SH3RF1: variants seen among roughly 807,000 people sequenced by gnomAD.
SH3RF1 encodes E3 ubiquitin-protein ligase SH3RF1.
A neutral mutation model predicts 74.0 loss-of-function variants in SH3RF1; 32 were observed. The observed-to-expected ratio is 0.43, with a 90% CI of 0.33 to 0.58. SH3RF1 has a LOEUF of 0.58. Among genes scored for constraint, SH3RF1 ranks in the 20% least tolerant of loss-of-function variants. The pLI is 0.05. For synonymous variants in SH3RF1, 396 were observed against 439.6 expected (o/e 0.90, Z 1.24); for missense variants, 954 against 1,130.9 (o/e 0.84, Z 2.24).
intron 2 of SH3RF1, among the ~76,000 whole-genome samples, chr4:169,263,789 A>T (rs1251925578): frequency 1.3e-5 from 2 of 152,238 alleles, no homozygotes; most frequent in Non-Finnish European, 2.9e-5. Context: ...GTCAGAGATA[A>T]GAAAGTAGTA....
At chr4:169,213,044 G>A (rs1730406307) in intron 2 of SH3RF1, among the ~76,000 whole-genome samples, 1 of 152,086 alleles carries the variant, frequency 6.6e-6, no homozygotes, top group Admixed American at 6.6e-5. Context: ...GACTAACTTA[G>A]GCAAACACCA....
At chr4:169,157,936 G>C (rs1180570438) in intron 2 of SH3RF1, among the ~76,000 whole-genome samples, 2 of 139,882 alleles carry the variant, frequency 1.4e-5, no homozygotes, top group Non-Finnish European at 3.1e-5. Context: ...ATGGGGTCTC[G>C]CCATGTTGGC....
intron 2 of SH3RF1, among the ~76,000 whole-genome samples, chr4:169,182,182 T>G (rs1032303482): frequency 1.3e-5 from 2 of 152,254 alleles, no homozygotes; most frequent in African/African-American, 4.8e-5. Context: ...ATATCCTTGA[T>G]TCAATGCAAT....
At chr4:169,195,527 T>C (rs1331273660) in intron 2 of SH3RF1, among the ~76,000 whole-genome samples, 1 of 152,220 alleles carries the variant, frequency 6.6e-6, no homozygotes. Flanking sequence ...TGCTCCACTT[T>C]AGTGCTCATC....
At chr4:169,109,109 T>C (rs908598402) in intron 10 of SH3RF1, among the ~76,000 whole-genome samples, 1 of 152,216 alleles carries the variant, frequency 6.6e-6, no homozygotes, top group Non-Finnish European at 1.5e-5. Flanking sequence ...AAAAGAATAA[T>C]GTCCAGTAGC....
chr4:169,188,152 T>C (rs1309075828), intron 2 of SH3RF1, among the ~76,000 whole-genome samples: 1 of 152,120 alleles, frequency 6.6e-6, no homozygotes, highest in Non-Finnish European at 1.5e-5. Context: ...CCTCCAGAAC[T>C]GAGAGAGAAT....
chr4:169,159,670 T>C (rs770139850), intron 2 of SH3RF1, among the ~76,000 whole-genome samples: 7 of 152,230 alleles, frequency 4.6e-5, no homozygotes, highest in Non-Finnish European at 8.8e-5. Flanking sequence ...GTGTGAACCA[T>C]CATCATTGTC....
In SH3RF1 at chr4:169,136,400, G is replaced by A. The variant is rs371090000; in HGVS notation, c.986C>T (p.Pro329Leu). Reference sequence around the variant, plus strand: ...GGGGTTGCTGGAGCTGATGAGGACAGGGGGGCTGATCTCCATGGAGTGGCG... The same window carrying A: ...GGGGTTGCTGGAGCTGATGAGGACAAGGGGGCTGATCTCCATGGAGTGGCG... ...QNRHSMEISP[P>L]VLISSSNPTA... Residue 329 changes from proline to leucine, a missense_variant, in exon 5 of 12, where the codon CCT becomes CTT. Physicochemically the swap from Pro to Leu is moderately conservative, Grantham distance 98. Transcript: ENST00000284637. 1 of 1,604,372 alleles carries A rather than the reference G, an allele frequency of 6.2e-7. No individual in the cohort carries two copies. The highest frequency in any genetic ancestry group is 8.5e-7 in the Non-Finnish European group (1 of 1,175,442).
intron 2 of SH3RF1, among the ~76,000 whole-genome samples, chr4:169,188,840 T>G (rs992630158): frequency 2.0e-5 from 3 of 152,226 alleles, no homozygotes; most frequent in Non-Finnish European, 4.4e-5. Flanking sequence ...CAAGGAGTGT[T>G]AAACACATGC....
At chr4:169,224,079 G>C (rs1453726539) in intron 2 of SH3RF1, among the ~76,000 whole-genome samples, 3 of 152,172 alleles carry the variant, frequency 2.0e-5, no homozygotes, top group African/African-American at 7.2e-5. Context: ...TGGCCCTTGT[G>C]GCACTAAATG....
rs1415473808 is a variant in SH3RF1 at position 169,096,458 on chromosome 4, A to C, written c.*61T>G. 2.9e-5 allele frequency: 45 copies of C among 1,557,514 alleles called. No homozygotes were observed. Among genetic ancestry groups the C allele is most frequent in the Admixed American group, 2.8e-4 (15 of 54,440 alleles). On this transcript the variant is annotated 3_prime_UTR_variant, in exon 12 of 12. Coordinates refer to ENST00000284637, the MANE Select transcript of SH3RF1 (RefSeq NM_020870.4). ...AGTCCACAAATGTGCTCTTTCTGTT[A>C]AACTGCTTTGTGCTACTTTGTTGTG...
intron 2 of SH3RF1, among the ~76,000 whole-genome samples, chr4:169,157,747 CTTTTTTTT>C (rs34413899): frequency 1.4e-5 from 2 of 144,986 alleles, no homozygotes; most frequent in Non-Finnish European, 3.0e-5. Context: ...CTTTTTTTTT[CTTTTTTTT>C]TTTTAAGACG....
chr4:169,129,086 C>A (rs1031621393), intron 6 of SH3RF1, among the ~76,000 whole-genome samples: 1 of 152,168 alleles, frequency 6.6e-6, no homozygotes, highest in African/African-American at 2.4e-5. Flanking sequence ...CAGGCCTGCA[C>A]CCCCATCATC....
intron 2 of SH3RF1, among the ~76,000 whole-genome samples, chr4:169,239,572 G>C (rs1212433353): frequency 6.6e-6 from 1 of 152,112 alleles, no homozygotes; most frequent in African/African-American, 2.4e-5. Context: ...TCACGTTAAG[G>C]TTTCAAAAAT....
chr4:169,103,465 G>A (rs896322609), intron 11 of SH3RF1, among the ~76,000 whole-genome samples: 12 of 152,108 alleles, frequency 7.9e-5, no homozygotes, highest in African/African-American at 2.7e-4. Flanking sequence ...TGTAAATCAA[G>A]GATTATTCTT....
chr4:169,192,460 G>A (rs2126985322), intron 2 of SH3RF1, among the ~76,000 whole-genome samples: 1 of 152,168 alleles, frequency 6.6e-6, no homozygotes, highest in South Asian at 2.1e-4. Flanking sequence ...CTGCAAGAAT[G>A]GCCACAATCA....
intron 6 of SH3RF1, among the ~76,000 whole-genome samples, chr4:169,124,338 A>AT (rs751815072): frequency 1.3e-5 from 2 of 152,244 alleles, no homozygotes; most frequent in African/African-American, 2.4e-5. Context: ...TATGCACCTG[A>AT]TAAAAACATG....
intron 2 of SH3RF1, among the ~76,000 whole-genome samples, chr4:169,172,713 T>G (rs575103223): frequency 6.6e-6 from 1 of 152,152 alleles, no homozygotes; most frequent in African/African-American, 2.4e-5. Context: ...GGGGTGAGGG[T>G]GTTGCCAGAG....
intron 2 of SH3RF1, among the ~76,000 whole-genome samples, chr4:169,223,083 C>T (rs547699883): frequency 8.8e-4 from 134 of 152,220 alleles, no homozygotes; most frequent in Non-Finnish European, 1.2e-3. Flanking sequence ...TCCTCCAACA[C>T]GCAGACTCAC....
Sources: allele counts gnomAD v4.1 joint callset (sites outside exome capture counted in the v4.1 genomes callset), GRCh38; gene constraint gnomAD v4.1.1; transcripts MANE v1.5; gene names NCBI Gene and HGNC (gene_info 2026-07-23, HGNC 2026-07-21).